The following CUX1 variants were observed in gnomAD, a reference collection of about 807,000 sequenced individuals.
The protein encoded by CUX1 is protein CASP.
CUX1 carries 31 observed loss-of-function variants against 158.8 expected under a neutral mutation model. The ratio of observed to expected loss-of-function variants is 0.20; its 90% CI spans 0.15 to 0.26. CUX1 has a LOEUF of 0.26. CUX1 is among the 10% of genes least tolerant of loss of function. The pLI, the probability that CUX1 is intolerant of heterozygous loss-of-function variation, is 1.00. For missense variants in CUX1, 1,589 were observed against 2,014.6 expected (o/e 0.79, Z 4.04); for synonymous variants, 879 against 862.1 (o/e 1.02, Z -0.34).
Position 101,821,287 on chromosome 7 carries a change from A to C in CUX1, c.30+3618A>C, listed in dbSNP as rs139769980. Among the ~76,000 whole-genome samples the C allele has an allele frequency of 2.8e-4, 43 of 151,948 alleles. No individual in the cohort carries two copies. In the East Asian group the frequency reaches 8.3e-3, roughly 29 times the overall value. On this transcript the variant is annotated intron_variant, in intron 1 of 23. Transcript: ENST00000292535. Reference sequence around the variant, plus strand: ...AAAAAATTCTACATTTAGAGAATATAAGCTCCACCAGCAACCATAAAAGTA... The same window carrying C: ...AAAAAATTCTACATTTAGAGAATATCAGCTCCACCAGCAACCATAAAAGTA...
intron 22 of CUX1, chr7:102,282,917 A>T (rs1360587144): frequency 1.9e-6 from 1 of 536,142 alleles, no homozygotes; most frequent in Non-Finnish European, 3.1e-6. Context: ...CCCTACCCCT[A>T]CTCCCGGTAT....
At chr7:101,868,647 G>T (rs1798166103) in intron 1 of CUX1, among the ~76,000 whole-genome samples, 2 of 152,220 alleles carry the variant, frequency 1.3e-5, no homozygotes, top group South Asian at 4.1e-4. Flanking sequence ...ACCTTCATGG[G>T]TGGGGTTACT....
chr7:102,039,316 G>C (rs893335257), intron 3 of CUX1, among the ~76,000 whole-genome samples: 1 of 152,138 alleles, frequency 6.6e-6, no homozygotes. Context: ...AAGTGCTAAG[G>C]TTGGTGTGCT....
chr7:102,052,258 C>T (rs1823602008), intron 3 of CUX1, among the ~76,000 whole-genome samples: 1 of 152,064 alleles, frequency 6.6e-6, no homozygotes, highest in African/African-American at 2.4e-5. Flanking sequence ...TTAGTGGTCA[C>T]TCCTCATTTA....
At chr7:102,282,627 TCCAGG>T (rs1554549635) in intron 21 of CUX1, 2 of 1,458,390 alleles carry the variant, frequency 1.4e-6, no homozygotes, top group African/African-American at 2.8e-5. Context: ...ACCTTTATGT[TCCAGG>T]CCAGGCCCAG....
At chr7:102,015,159 C>T (rs1818441220) in intron 2 of CUX1, among the ~76,000 whole-genome samples, 1 of 152,176 alleles carries the variant, frequency 6.6e-6, no homozygotes, top group African/African-American at 2.4e-5. Context: ...GATGAATAAA[C>T]GTGAAGTCAG....
At position 102,098,139 on chromosome 7, in the gene CUX1, G is replaced by A. The variant is rs532305731; in HGVS notation, c.406+638G>A. Among the ~76,000 whole-genome samples, 14 of 152,324 alleles carry A rather than the reference G, an allele frequency of 9.2e-5. No homozygotes were observed. In the South Asian group the frequency reaches 2.7e-3, roughly 29 times the overall value. ...ATCCAGGAGCCTGTTGGCTTCCTTG[G>A]CTTGAAGGAAAATCACAGCTCCCGT... On this transcript the variant is annotated intron_variant, in intron 5 of 23. Transcript: ENST00000292535.
intron 2 of CUX1, among the ~76,000 whole-genome samples, chr7:102,014,140 A>G (rs1481061054): frequency 6.6e-6 from 1 of 152,182 alleles, no homozygotes; most frequent in Admixed American, 6.5e-5. Flanking sequence ...ATCTCTGTTC[A>G]GGTCCCTGGA....
At chr7:102,243,896 A>T (rs1211591968) in intron 23 of CUX1, among the ~76,000 whole-genome samples, 2 of 151,940 alleles carry the variant, frequency 1.3e-5, no homozygotes, top group African/African-American at 4.8e-5. Flanking sequence ...GTGTGGTGGC[A>T]CATGCCTGTA....
chr7:102,017,574 C>T lies in CUX1; in HGVS notation c.142-10524C>T, dbSNP rs533091070. ...TTAAAATACAATATGTGGGCCAGTG[C>T]GGTGGCTCACGCCTGTAACCCAGCG... On this transcript the variant is annotated intron_variant, in intron 2 of 23. Transcript: ENST00000292535. Among the ~76,000 whole-genome samples the T allele has an allele frequency of 1.6e-4, 25 of 152,204 alleles. 1 individual carries two copies. The South Asian group carries it at 3.7e-3, about 23-fold the overall frequency.
Position 102,249,032 on chromosome 7 carries a change from G to T in CUX1, c.4508G>T (p.Trp1503Leu), listed in dbSNP as rs1801170707. 3 of 1,355,686 alleles carry T rather than the reference G, an allele frequency of 2.2e-6. No individual in the cohort carries two copies. The allele number at this position is 1,355,686 out of a possible 1,614,324, so 84.0% of individuals were successfully genotyped here. Residue 1503 changes from tryptophan (W) to leucine (L), a missense_variant, in exon 24 of 24, where the codon TGG becomes TTG. By Grantham distance (61) the Trp-to-Leu change is moderately conservative. Around this residue, in one of 8 missense-constraint regions of CUX1, gnomAD observed 344 missense variants for 323.7 expected, o/e 1.06. Transcript: ENST00000292535. ...KAASREEPIE[W>L]EF ...GCCAGCCGGGAGGAACCTATCGAATGGGAGTTCTGAGGGGCCGCGGCCCTG... is the reference window on the plus strand; with the variant it reads ...GCCAGCCGGGAGGAACCTATCGAATTGGAGTTCTGAGGGGCCGCGGCCCTG...
At chr7:102,280,765 T>G in intron 19 of CUX1, 1 of 1,604,818 alleles carries the variant, frequency 6.2e-7, no homozygotes, top group Non-Finnish European at 8.5e-7. Context: ...GCCTGTGAGG[T>G]CCTTTGGGGT....
intron 7 of CUX1, among the ~76,000 whole-genome samples, chr7:102,114,039 G>A (rs1831206669): frequency 6.6e-6 from 1 of 152,166 alleles, no homozygotes; most frequent in South Asian, 2.1e-4. Flanking sequence ...AAGCTGTTCA[G>A]CCAGCAGCTT....
chr7:102,023,031 A>G lies in CUX1; in HGVS notation c.142-5067A>G, dbSNP rs569574893. Reference sequence around the variant, plus strand: ...GGAGTTCGAGACCAGCCTGGCCAACATGGTGAAAACTTGTCTCTACTAAAA... The same window carrying G: ...GGAGTTCGAGACCAGCCTGGCCAACGTGGTGAAAACTTGTCTCTACTAAAA... On this transcript the variant is annotated intron_variant, in intron 2 of 23. Coordinates refer to ENST00000292535, the MANE Select transcript of CUX1 (RefSeq NM_181552.4). Among the ~76,000 whole-genome samples, 4 of 152,324 alleles carry G rather than the reference A, an allele frequency of 2.6e-5. No individual in the cohort carries two copies. In the South Asian group the frequency reaches 6.2e-4, roughly 24 times the overall value.
In CUX1 at chr7:102,255,311, CAA is replaced by C. The variant is rs767511800; in HGVS notation, c.*6270_*6271del. On this transcript the variant is annotated 3_prime_UTR_variant, in exon 24 of 24. Transcript: ENST00000292535. ...TGGATGAAGTGACATTTAGCTTTAA[CAA>C]GACATTTCCAAAGCGCCTAGTCTCC... 4 of 981,880 alleles carry C rather than the reference CAA, an allele frequency of 4.1e-6. No homozygotes were observed. In the Admixed American group the frequency reaches 2.5e-4, roughly 63 times the overall value. 60.8% of individuals were successfully genotyped at this position (981,880 alleles called of 1,614,324 possible). A position where few individuals can be genotyped will look rare whatever the true frequency, so the allele number is the denominator to read the frequency against.
intron 1 of CUX1, among the ~76,000 whole-genome samples, chr7:101,856,653 C>T (rs1035218246): frequency 2.0e-5 from 3 of 152,194 alleles, no homozygotes; most frequent in Non-Finnish European, 4.4e-5. Context: ...AGAGCAAGTC[C>T]AACTCTTCCT....
At chr7:101,903,525 C>T (rs958295744) in intron 1 of CUX1, among the ~76,000 whole-genome samples, 8 of 152,152 alleles carry the variant, frequency 5.3e-5, no homozygotes, top group Non-Finnish European at 1.0e-4. Context: ...GCTTATAAAA[C>T]GGACATTTTT....
In CUX1 at chr7:101,916,455, C is replaced by T. The variant is rs1804221872; in HGVS notation, c.141+230C>T. The T allele has an allele frequency of 2.4e-6, 1 of 424,236 alleles. No individual in the cohort carries two copies. The allele number at this position is 424,236 out of a possible 1,614,324, so 26.3% of individuals were successfully genotyped here. A position where few individuals can be genotyped will look rare whatever the true frequency, so the allele number is the denominator to read the frequency against. ...TGTCTGGAAATATGAAAGTCAGAGC[C>T]AATTCCAGGTGCAGATACTGGACAA... On this transcript the variant is annotated intron_variant, in intron 2 of 23. Transcript: ENST00000292535. This position sits in a 1 kb window ranked among gnomAD's most constrained non-coding sequence, Gnocchi z 4.4.
chr7:101,998,361 C>G (rs1033414483), intron 2 of CUX1, among the ~76,000 whole-genome samples: 5 of 152,236 alleles, frequency 3.3e-5, no homozygotes, highest in Non-Finnish European at 7.3e-5. Flanking sequence ...TGCACATTTA[C>G]CGAGTGTGCA....
Sources: gnomAD v4.1 joint callset for allele counts (sites outside exome capture counted in the v4.1 genomes callset) on GRCh38, gnomAD v4.1.1 for gene constraint, gnomAD v4.1.1 regional missense constraint, Gnocchi (gnomAD v3.1) non-coding constraint, MANE v1.5 for transcripts, NCBI Gene and HGNC (gene_info 2026-07-23, HGNC 2026-07-21) for gene names.